Variants in COL21A1 observed in about 807,000 individuals in gnomAD.
COL21A1 encodes the protein collagen alpha-1(XXI) chain.
COL21A1 carries 149 observed loss-of-function variants against 137.9 expected under a neutral mutation model. The ratio of observed to expected loss-of-function variants is 1.08; its 90% confidence interval spans 0.95 to 1.24. The LOEUF (loss-of-function observed/expected upper bound fraction) is 1.24. COL21A1 is among the 50% of genes most tolerant of loss of function. The pLI, the probability that COL21A1 is intolerant of heterozygous loss-of-function variation, is 0.00. For missense variants in COL21A1, 1,167 were observed against 1,158.4 expected, an observed-to-expected ratio of 1.01 and a Z score of -0.11; for synonymous variants, 456 against 391.5, an observed-to-expected ratio of 1.16 and a Z score of -1.95.
At chr6:56,301,875 A>G (rs1254008443) in intron 1 of COL21A1, among the ~76,000 whole-genome samples, 1 of 151,054 alleles carries the variant, frequency 6.6e-6, no homozygotes, top group Non-Finnish European at 1.5e-5. Context: ...ATCCCACAAC[A>G]GGCCCCGGTG....
chr6:56,101,580 C>G (rs1357669372), intron 16 of COL21A1, 55 bp from the exon 17 acceptor site: 3 of 1,221,952 alleles, frequency 2.5e-6, no homozygotes, highest in Non-Finnish European at 3.5e-6. Context: ...GTCTGCTTAC[C>G]AAAATAACAA....
intron 1 of COL21A1, among the ~76,000 whole-genome samples, chr6:56,269,678 A>G (rs1446514706): frequency 1.4e-5 from 2 of 146,586 alleles, no homozygotes; most frequent in Non-Finnish European, 3.0e-5. Flanking sequence ...AAAAAAAAAA[A>G]AAGAAGTGAC....
intron 1 of COL21A1, among the ~76,000 whole-genome samples, chr6:56,234,999 C>T (rs765506174): frequency 5.3e-5 from 8 of 151,830 alleles, no homozygotes; most frequent in African/African-American, 9.7e-5. Flanking sequence ...CCTACTTCTC[C>T]GCACCTAAAC....
chr6:56,120,391 A>T (rs12209464), intron 16 of COL21A1, among the ~76,000 whole-genome samples: 21,046 of 152,270 alleles, frequency 0.14, 1,534 homozygotes, highest in Middle Eastern at 0.21. Context: ...CAAAAGGCAA[A>T]CAATAACAAA....
intron 1 of COL21A1, among the ~76,000 whole-genome samples, chr6:56,302,094 T>G (rs2152337552): frequency 6.6e-6 from 1 of 152,094 alleles, no homozygotes; most frequent in Admixed American, 6.5e-5. Context: ...TTCCATGGTG[T>G]ATATGTGCCA....
chr6:56,200,742 T>C (rs543389697), intron 1 of COL21A1, among the ~76,000 whole-genome samples: 2 of 152,252 alleles, frequency 1.3e-5, no homozygotes, highest in East Asian at 1.9e-4. Context: ...TTGGCTATTG[T>C]GAATAGTGCT....
At chr6:56,077,506 A>G (rs201145069) in intron 18 of COL21A1, 23 bp downstream of exon 18, 6 of 1,544,506 alleles carry the variant, frequency 3.9e-6, no homozygotes, top group Middle Eastern at 1.7e-4. Context: ...CCAGGCCCAA[A>G]GCTAACTCTC....
At chr6:56,367,276 C>A (rs1157427044) in intron 1 of COL21A1, among the ~76,000 whole-genome samples, 1 of 152,148 alleles carries the variant, frequency 6.6e-6, no homozygotes, top group Non-Finnish European at 1.5e-5. Context: ...TCTCAATACT[C>A]TTTGCTTGCA....
intron 16 of COL21A1, among the ~76,000 whole-genome samples, chr6:56,105,408 T>C (rs527727798): frequency 6.6e-6 from 1 of 152,328 alleles, no homozygotes; most frequent in East Asian, 1.9e-4. Context: ...TATTTTTGGC[T>C]ATATTATTTT....
intron 2 of COL21A1, among the ~76,000 whole-genome samples, chr6:56,181,221 A>G (rs533745604): frequency 1.3e-5 from 2 of 152,214 alleles, no homozygotes; most frequent in Non-Finnish European, 2.9e-5. Flanking sequence ...ACACAATTCC[A>G]ACAACCTCTG....
At chr6:56,080,477 T>A (rs563826722) in intron 17 of COL21A1, among the ~76,000 whole-genome samples, 22 of 151,956 alleles carry the variant, frequency 1.4e-4, no homozygotes, top group African/African-American at 5.3e-4. Context: ...TACTTTAGAA[T>A]AAAGGGTTTG....
intron 10 of COL21A1, among the ~76,000 whole-genome samples, chr6:56,155,831 G>T (rs1331600946): frequency 1.3e-5 from 2 of 152,162 alleles, no homozygotes; most frequent in Non-Finnish European, 2.9e-5. Context: ...TCAAACTGCT[G>T]GTCTCAAGTG....
intron 1 of COL21A1, among the ~76,000 whole-genome samples, chr6:56,200,449 TC>T (rs1350827728): frequency 1.2e-5 from 1 of 82,972 alleles, no homozygotes; most frequent in East Asian, 4.6e-4. Flanking sequence ...ATGCTATCCC[TC>T]CCCCCTCCCC....
intron 1 of COL21A1, among the ~76,000 whole-genome samples, chr6:56,296,251 T>C (rs1385820729): frequency 6.6e-6 from 1 of 152,006 alleles, no homozygotes; most frequent in African/African-American, 2.4e-5. Flanking sequence ...ACATATCCAA[T>C]ATATATCATA....
At chr6:56,257,345 A>T (rs1763123083) in intron 1 of COL21A1, among the ~76,000 whole-genome samples, 1 of 152,134 alleles carries the variant, frequency 6.6e-6, no homozygotes, top group Non-Finnish European at 1.5e-5. Flanking sequence ...TTTGGAAAAA[A>T]TTTGGCATTA....
Position 56,144,923 on chromosome 6 carries a change from A to G in COL21A1, c.1435-2940T>C, listed in dbSNP as rs565814096. Among the ~76,000 whole-genome samples the G allele has an allele frequency of 2.0e-5, 3 of 152,310 alleles. No individual in the cohort carries two copies. The South Asian group carries it at 6.2e-4, about 32-fold the overall frequency. On this transcript the variant is annotated intron_variant, in intron 10 of 29. Coordinates refer to ENST00000244728, the MANE Select transcript of COL21A1 (RefSeq NM_030820.4). Reference sequence around the variant, plus strand: ...ACTTAGTTTCTTACCATAAACTGTTATTATTATCCACTTCACTTTTGAAAA... The same window carrying G: ...ACTTAGTTTCTTACCATAAACTGTTGTTATTATCCACTTCACTTTTGAAAA...
chr6:56,323,395 A>G (rs1282015752), intron 1 of COL21A1, among the ~76,000 whole-genome samples: 2 of 148,468 alleles, frequency 1.3e-5, no homozygotes, highest in East Asian at 3.9e-4. Flanking sequence ...TTGTTTGTTT[A>G]TTTGTTTGTT....
intron 14 of COL21A1, among the ~76,000 whole-genome samples, chr6:56,125,240 C>G (rs904774709): frequency 2.7e-5 from 4 of 150,418 alleles, no homozygotes; most frequent in African/African-American, 4.9e-5. Flanking sequence ...AGGCTGGTCT[C>G]GAACTCCTGA....
intron 1 of COL21A1, among the ~76,000 whole-genome samples, chr6:56,223,914 C>CATCTT (rs140848): frequency 0.025 from 3,817 of 151,996 alleles, 152 homozygotes; most frequent in African/African-American, 0.087. Flanking sequence ...GTGTTCTGTG[C>CATCTT]ATCTTATTTC....
Sources: allele counts gnomAD v4.1 joint callset (sites outside exome capture counted in the v4.1 genomes callset), GRCh38; gene constraint gnomAD v4.1.1; transcripts MANE v1.5; gene names NCBI Gene and HGNC (gene_info 2026-07-23, HGNC 2026-07-21).